Variants in FAT3 observed in about 807,000 individuals in gnomAD.
FAT3 encodes protocadherin Fat 3.
FAT3 carries 95 observed loss-of-function variants against 310.2 expected under a neutral mutation model. The ratio of observed to expected loss-of-function variants is 0.31; its 90% CI spans 0.26 to 0.36. The LOEUF (loss-of-function observed/expected upper bound fraction) is 0.36, where lower values mean the gene tolerates loss of function less well. Among genes scored for constraint, FAT3 ranks in the 10% least tolerant of loss-of-function variants. The pLI is 1.00. For missense variants in FAT3, 5,408 were observed against 5,715.6 expected (o/e 0.95, Z 1.74); for synonymous variants, 2,314 against 2,192.9 (o/e 1.06, Z -1.54).
At chr11:92,528,873 G>T (rs1053846944) in intron 3 of FAT3, among the ~76,000 whole-genome samples, 1 of 152,134 alleles carries the variant, frequency 6.6e-6, no homozygotes, top group African/African-American at 2.4e-5. Flanking sequence ...TAACTATTAC[G>T]ATCATCATCA....
intron 2 of FAT3, among the ~76,000 whole-genome samples, chr11:92,431,187 T>C (rs2135025909): frequency 6.6e-6 from 1 of 152,368 alleles, no homozygotes; most frequent in African/African-American, 2.4e-5. Context: ...TTCCTGACTT[T>C]TTAGTGATTG....
intron 2 of FAT3, among the ~76,000 whole-genome samples, chr11:92,408,421 A>T (rs1221417059): frequency 6.6e-6 from 1 of 152,168 alleles, no homozygotes; most frequent in Non-Finnish European, 1.5e-5. Context: ...TTCTCAACTC[A>T]GCTTCTTGAC....
chr11:92,274,260 C>T (rs1245790316), intron 1 of FAT3, among the ~76,000 whole-genome samples: 1 of 151,978 alleles, frequency 6.6e-6, no homozygotes, highest in Non-Finnish European at 1.5e-5. Context: ...AGGGAGATTT[C>T]TCTTTTTTTG....
intron 4 of FAT3, among the ~76,000 whole-genome samples, chr11:92,733,583 T>C (rs1287148694): frequency 2.0e-5 from 3 of 152,090 alleles, no homozygotes; most frequent in African/African-American, 7.2e-5. Context: ...CTGAGAAGCA[T>C]CATCAGTATG....
At chr11:92,837,183 A>C (rs1948429250) in intron 16 of FAT3, among the ~76,000 whole-genome samples, 1 of 152,216 alleles carries the variant, frequency 6.6e-6, no homozygotes, top group Admixed American at 6.5e-5. Context: ...GAAATTAAAT[A>C]TGGAAAAGGA....
chr11:92,562,169 A>T (rs1011840539), intron 3 of FAT3, among the ~76,000 whole-genome samples: 2 of 152,068 alleles, frequency 1.3e-5, no homozygotes, highest in African/African-American at 4.8e-5. Flanking sequence ...ACAAACATTC[A>T]GTTTTTACAT....
At chr11:92,535,597 T>G (rs1242684004) in intron 3 of FAT3, among the ~76,000 whole-genome samples, 1 of 152,202 alleles carries the variant, frequency 6.6e-6, no homozygotes, top group Admixed American at 6.5e-5. Flanking sequence ...GTAAGAACTT[T>G]AGCAGTTTTT....
chr11:92,615,726 C>T (rs11020026), intron 3 of FAT3, among the ~76,000 whole-genome samples: 85,326 of 152,046 alleles, frequency 0.56, 25,365 homozygotes, highest in African/African-American at 0.76. Context: ...GCCTTCATTT[C>T]ATTATGTACC....
intron 2 of FAT3, among the ~76,000 whole-genome samples, chr11:92,394,331 G>T (rs191421028): frequency 6.6e-6 from 1 of 152,100 alleles, no homozygotes; most frequent in South Asian, 2.1e-4. Context: ...AATTAGCTGA[G>T]GGTGGTGGCA....
chr11:92,828,702 G>T (rs772416976), intron 13 of FAT3, among the ~76,000 whole-genome samples: 12 of 152,102 alleles, frequency 7.9e-5, no homozygotes, highest in Non-Finnish European at 1.8e-4. Flanking sequence ...GAATCTGCCC[G>T]GAGGGGAGCC....
At chr11:92,564,090 G>C (rs1424399070) in intron 3 of FAT3, among the ~76,000 whole-genome samples, 1 of 152,092 alleles carries the variant, frequency 6.6e-6, no homozygotes, top group East Asian at 1.9e-4. Flanking sequence ...ACACAGACTG[G>C]CAAGTTGGAT....
intron 7 of FAT3, among the ~76,000 whole-genome samples, chr11:92,789,607 G>A (rs1946984637): frequency 6.6e-6 from 1 of 151,966 alleles, no homozygotes; most frequent in African/African-American, 2.4e-5. Flanking sequence ...TAAGATAATG[G>A]CAACTTAACA....
chr11:92,797,694 T>G (rs934982830), intron 9 of FAT3, 142 bp from the exon 10 acceptor site: 4 of 710,052 alleles, frequency 5.6e-6, no homozygotes, highest in Admixed American at 6.1e-5. Context: ...GCCTCTCATT[T>G]TATTTCAGAA....
chr11:92,315,512 T>TAGAGAG lies in FAT3; in HGVS notation c.-17-36546_-17-36541dup, dbSNP rs374021850. Among the ~76,000 whole-genome samples the TAGAGAG allele has an allele frequency of 4.2e-3, 236 of 56,156 alleles. 2 individuals are homozygous for TAGAGAG. Among genetic ancestry groups the TAGAGAG allele is most frequent in the South Asian group, 0.011 (11 of 1,028 alleles). 36.8% of individuals were successfully genotyped at this position (56,156 alleles called of 152,430 possible). On this transcript the variant is annotated intron_variant, in intron 1 of 27. Coordinates refer to ENST00000525166, the MANE Select transcript of FAT3 (RefSeq NM_001367949.2). The stretch of plus-strand genomic sequence containing the variant: ...ATATATATATATATATATATATATA[T>TAGAGAG]AGAGAGAGAGAGAGAGAGAGAGAGA...
At chr11:92,730,988 T>C (rs750551383) in intron 4 of FAT3, among the ~76,000 whole-genome samples, 7 of 152,172 alleles carry the variant, frequency 4.6e-5, no homozygotes, top group Non-Finnish European at 1.0e-4. Flanking sequence ...GGGGGCTAAG[T>C]CAAATTCGGT....
At chr11:92,536,509 G>A (rs1306584197) in intron 3 of FAT3, among the ~76,000 whole-genome samples, 1 of 152,108 alleles carries the variant, frequency 6.6e-6, no homozygotes, top group African/African-American at 2.4e-5. Context: ...TAATGAACTG[G>A]CTTGCTATTA....
At chr11:92,632,823 T>A (rs2135706696) in intron 3 of FAT3, among the ~76,000 whole-genome samples, 1 of 152,236 alleles carries the variant, frequency 6.6e-6, no homozygotes, top group East Asian at 1.9e-4. Flanking sequence ...AGAGGTTAAT[T>A]CCTGTTGCAG....
intron 1 of FAT3, among the ~76,000 whole-genome samples, chr11:92,260,353 T>C (rs1201261717): frequency 2.0e-5 from 3 of 152,136 alleles, no homozygotes; most frequent in African/African-American, 7.2e-5. Flanking sequence ...CCCAAGGCTC[T>C]AGAAATTTTG....
intron 2 of FAT3, among the ~76,000 whole-genome samples, chr11:92,430,225 T>G (rs1318620238): frequency 1.3e-5 from 2 of 152,196 alleles, no homozygotes; most frequent in African/African-American, 4.8e-5. Context: ...TGCAGCTCCC[T>G]CAGGTCATTT....
Sources: allele counts gnomAD v4.1 joint callset (sites outside exome capture counted in the v4.1 genomes callset), GRCh38; gene constraint gnomAD v4.1.1; transcripts MANE v1.5; gene names NCBI Gene and HGNC (gene_info 2026-07-23, HGNC 2026-07-21).